The following EXO1 variants were observed in gnomAD, a reference collection of about 807,000 sequenced individuals.
EXO1 encodes the protein exonuclease 1.
In EXO1, 69 loss-of-function variants were observed where a neutral mutation model predicts 84.5. The ratio of observed to expected loss-of-function variants is 0.82; its 90% CI spans 0.67 to 1.00. The LOEUF (loss-of-function observed/expected upper bound fraction) is 1.00, where lower values mean the gene tolerates loss of function less well. Among genes scored for constraint, EXO1 ranks in the 50% least tolerant of loss-of-function variants. The probability of loss-of-function intolerance (pLI) is 0.00; values close to 1 mark genes in which losing one functional copy is unlikely to be tolerated. For missense variants in EXO1, 1,045 were observed against 1,000.7 expected, an observed-to-expected ratio of 1.04 and a Z score of -0.60; for synonymous variants, 373 against 366.1, an observed-to-expected ratio of 1.02 and a Z score of -0.21.
chr1:241,857,097 C>G (rs886434660), intron 6 of EXO1, among the ~76,000 whole-genome samples: 2 of 152,126 alleles, frequency 1.3e-5, no homozygotes, highest in Non-Finnish European at 2.9e-5. Context: ...TTTCCTCTGG[C>G]TGTGTAGCAG....
In EXO1 at chr1:241,879,185, G is replaced by T; in HGVS notation, c.1951G>T (p.Val651Leu). The T allele has an allele frequency of 1.9e-6, 3 of 1,605,288 alleles. No homozygotes were observed. In the African/African-American group the frequency reaches 4.0e-5, roughly 21 times the overall value. The change falls in exon 13 of 16, where the codon GTG (valine) becomes TTG (leucine). Residue 651 changes from valine (V) to leucine (L), a missense_variant. Physicochemically the swap from Val to Leu is conservative, Grantham distance 32. Coordinates refer to ENST00000366548, the MANE Select transcript of EXO1 (RefSeq NM_130398.4). ...TTTGCCTGAGAATAATATGTCTGAT[G>T]TGTCGCAGTTAAAGAGCGAGGAGTC... ...TSLPENNMSD[V>L]SQLKSEESSD...
At chr1:241,860,785 G>A (rs572710892) in intron 9 of EXO1, 81 bp downstream of exon 9, 1 of 1,128,342 alleles carries the variant, frequency 8.9e-7, no homozygotes, top group African/African-American at 1.5e-5. Flanking sequence ...GAGGCATTTA[G>A]TAAAAAGCTT....
rs375125866 is a variant in EXO1 at position 241,881,895 on chromosome 1, T to G, written c.2110-21T>G. The G allele has an allele frequency of 1.6e-5, 20 of 1,237,106 alleles. No individual in the cohort carries two copies. The African/African-American group carries it at 2.7e-4, about 17-fold the overall frequency. 76.6% of individuals were successfully genotyped at this position (1,237,106 alleles called of 1,614,324 possible). On this transcript the variant is annotated intron_variant, in intron 13 of 15. Transcript: ENST00000366548. ...CAGTAAAAATCTAATTTTATTTTAT[T>G]TTTTGATCTGGGGACTCTAGGAATC...
intron 14 of EXO1, among the ~76,000 whole-genome samples, chr1:241,883,805 A>T (rs1662900241): frequency 6.6e-6 from 1 of 152,180 alleles, no homozygotes; most frequent in South Asian, 2.1e-4. Context: ...GCATCCTATT[A>T]AGAAGTCTGG....
intron 15 of EXO1, among the ~76,000 whole-genome samples, chr1:241,886,488 T>C (rs1663078785): frequency 6.6e-6 from 1 of 152,226 alleles, no homozygotes. Flanking sequence ...AGAAATATTG[T>C]CATAGATGAG....
At chr1:241,881,859 T>C in intron 13 of EXO1, 57 bp from the exon 14 acceptor site, 1 of 856,250 alleles carries the variant, frequency 1.2e-6, no homozygotes, top group Non-Finnish European at 1.9e-6. Flanking sequence ...TTTGTTGTCA[T>C]AAAAATTCTA....
chr1:241,859,819 A>C lies in EXO1; in HGVS notation c.757-698A>C, dbSNP rs185491179. ...TAAAAAATAAACATCAAAGAAGCTC[A>C]TTTTCCCCCTTGGATATTCTCTAAA... On this transcript the variant is annotated intron_variant, in intron 8 of 15. Transcript: ENST00000366548. Among the ~76,000 whole-genome samples the C allele has an allele frequency of 4.6e-5, 7 of 152,286 alleles. No homozygotes were observed. The East Asian group carries it at 1.4e-3, about 29-fold the overall frequency.
rs756618089 is a variant in EXO1, at chr1:241,867,071, T to C, written c.1267+16T>C. 5.7e-6 allele frequency: 9 copies of C among 1,576,290 alleles called. No homozygotes were observed. In the East Asian group the frequency reaches 2.0e-4, roughly 35 times the overall value. ...CCAAGAAGTGGTACGTATTTCAGTT[T>C]TGCAAAATGCTGGTGAATATTGGTC... On this transcript the variant is annotated intron_variant, in intron 11 of 15. Transcript: ENST00000366548.
At chr1:241,883,637 T>C (rs994572376) in intron 14 of EXO1, among the ~76,000 whole-genome samples, 1 of 152,226 alleles carries the variant, frequency 6.6e-6, no homozygotes, top group Non-Finnish European at 1.5e-5. Flanking sequence ...TATGAGATTA[T>C]TTTTTAAATT....
At chr1:241,878,570 G>A (rs150406472) in intron 12 of EXO1, among the ~76,000 whole-genome samples, 179 bp from the exon 13 acceptor site, 8 of 151,618 alleles carry the variant, frequency 5.3e-5, no homozygotes, top group Non-Finnish European at 2.9e-5. Context: ...GTGAATGTTG[G>A]CATAATCAAA....
intron 12 of EXO1, among the ~76,000 whole-genome samples, chr1:241,877,010 C>T (rs1358218614): frequency 6.6e-6 from 1 of 152,186 alleles, no homozygotes; most frequent in Non-Finnish European, 1.5e-5. Flanking sequence ...AATGCCTAGT[C>T]ATTAATATAT....
chr1:241,858,069 G>A (rs958460429), intron 7 of EXO1, among the ~76,000 whole-genome samples: 42 of 152,162 alleles, frequency 2.8e-4, no homozygotes, highest in African/African-American at 1.0e-3. Context: ...TGAGGGAATA[G>A]GGATGACTTG....
chr1:241,867,332 T>C (rs1661807219), intron 11 of EXO1, among the ~76,000 whole-genome samples: 1 of 152,128 alleles, frequency 6.6e-6, no homozygotes, highest in South Asian at 2.1e-4. Flanking sequence ...ACGAGAAGAA[T>C]GAGAGCCAAG....
At position 241,889,456 on chromosome 1, in the gene EXO1, A is replaced by C. The variant is rs765067869; in HGVS notation, c.2406-9A>C. 5.0e-6 allele frequency: 8 copies of C among 1,611,898 alleles called. No homozygotes were observed. In the East Asian group the frequency reaches 1.6e-4, roughly 31 times the overall value. ...AAAAATACCAAATGTATTTTATTGT[A>C]TTTTGCAGAGATTCTGAAAAGCTTC... On this transcript the variant is annotated splice_polypyrimidine_tract_variant and intron_variant, in intron 15 of 15. Transcript: ENST00000366548.
At chr1:241,883,675 A>G (rs756018258) in intron 14 of EXO1, among the ~76,000 whole-genome samples, 2 of 152,208 alleles carry the variant, frequency 1.3e-5, no homozygotes, top group African/African-American at 4.8e-5. Context: ...TTGCAATCAT[A>G]TCTACTAACT....
At chr1:241,855,127 G>A (rs1660904091) in intron 6 of EXO1, among the ~76,000 whole-genome samples, 2 of 152,176 alleles carry the variant, frequency 1.3e-5, no homozygotes, top group African/African-American at 4.8e-5. Context: ...GACCTAAGTG[G>A]GTTGCCACTG....
chr1:241,875,823 A>G (rs750305981), intron 12 of EXO1, among the ~76,000 whole-genome samples: 11 of 152,380 alleles, frequency 7.2e-5, no homozygotes, highest in Non-Finnish European at 1.6e-4. Context: ...GGTTGCAGTG[A>G]GCCAAGATCA....
chr1:241,885,808 G>T, intron 15 of EXO1, among the ~76,000 whole-genome samples: 1 of 150,862 alleles, frequency 6.6e-6, no homozygotes, highest in Non-Finnish European at 1.5e-5. Flanking sequence ...TTATCTCTCA[G>T]GATTGTAAAG....
rs1351337206 is a variant in EXO1 at position 241,850,521 on chromosome 1, T to C, written c.96T>C (p.Tyr32=). The change falls in exon 4 of 16, where the codon TAT becomes TAC. Residue 32 remains tyrosine, a synonymous_variant. Coordinates refer to ENST00000366548, the MANE Select transcript of EXO1 (RefSeq NM_130398.4). ...YKGQVVAVDT[Y]CWLHKGAIAC... ...GGCAGGTAGTAGCTGTGGATACATA[T>C]TGCTGGCTTCACAAAGGAGCTATTG... is the stretch of plus-strand genomic sequence containing the variant. 2 of 1,613,874 alleles carry C rather than the reference T, an allele frequency of 1.2e-6. No homozygotes were observed. Among genetic ancestry groups the C allele is most frequent in the African/African-American group, 1.3e-5 (1 of 74,916 alleles).
Sources: gnomAD v4.1 joint callset for allele counts (sites outside exome capture counted in the v4.1 genomes callset) on GRCh38, gnomAD v4.1.1 for gene constraint, MANE v1.5 for transcripts, NCBI Gene and HGNC (gene_info 2026-07-23, HGNC 2026-07-21) for gene names.